SH3PXD2A: variants seen among roughly 807,000 people sequenced by gnomAD.
SH3PXD2A encodes the protein SH3 and PX domain-containing protein 2A.
In SH3PXD2A, 32 loss-of-function variants were observed where a neutral mutation model predicts 115.2. That is an observed-to-expected ratio of 0.28 (90% CI 0.21 to 0.37). The LOEUF (loss-of-function observed/expected upper bound fraction) is 0.37. Ranked by LOEUF, SH3PXD2A falls within the 10% of genes least tolerant of loss-of-function variation. The probability of loss-of-function intolerance (pLI) is 1.00; values close to 1 mark genes in which losing one functional copy is unlikely to be tolerated. For missense variants in SH3PXD2A, 1,328 were observed against 1,498.7 expected (o/e 0.89, Z 1.88); for synonymous variants, 610 against 629.1 (o/e 0.97, Z 0.45).
chr10:103,674,634 A>C (rs1433352383), intron 6 of SH3PXD2A, among the ~76,000 whole-genome samples: 1 of 152,206 alleles, frequency 6.6e-6, no homozygotes, highest in Non-Finnish European at 1.5e-5. Flanking sequence ...AGCCTGGCCA[A>C]CATGGTGAAA....
At chr10:103,723,226 C>T (rs770471898) in intron 5 of SH3PXD2A, among the ~76,000 whole-genome samples, 1 of 152,196 alleles carries the variant, frequency 6.6e-6, no homozygotes, top group South Asian at 2.1e-4. Flanking sequence ...GTAGCCACCC[C>T]ATCTGCCTCT....
intron 2 of SH3PXD2A, among the ~76,000 whole-genome samples, chr10:103,793,769 A>G (rs949898419): frequency 2.0e-5 from 3 of 152,230 alleles, no homozygotes; most frequent in African/African-American, 7.2e-5. Context: ...GTCTAGGGTC[A>G]GTAATCTCGA....
At chr10:103,829,617 G>C (rs762911891) in intron 1 of SH3PXD2A, among the ~76,000 whole-genome samples, 2 of 152,234 alleles carry the variant, frequency 1.3e-5, no homozygotes, top group Non-Finnish European at 2.9e-5. Flanking sequence ...AGGGAGGCAG[G>C]AAAGGGCAGA....
chr10:103,619,766 T>C (rs1035912816), intron 10 of SH3PXD2A, among the ~76,000 whole-genome samples: 23 of 152,222 alleles, frequency 1.5e-4, no homozygotes, highest in African/African-American at 5.5e-4. Flanking sequence ...CAAAAGGTTC[T>C]TGGGGACTCT....
At chr10:103,617,659 G>A (rs987457323) in intron 10 of SH3PXD2A, among the ~76,000 whole-genome samples, 3 of 152,194 alleles carry the variant, frequency 2.0e-5, no homozygotes, top group East Asian at 1.9e-4. Flanking sequence ...TTGCTGGGCC[G>A]AGGGCAGGAT....
At chr10:103,607,978 C>A (rs975985631) in intron 13 of SH3PXD2A, among the ~76,000 whole-genome samples, 1 of 151,598 alleles carries the variant, frequency 6.6e-6, no homozygotes, top group African/African-American at 2.4e-5. Flanking sequence ...GTCATCACCA[C>A]TCCCTAATCT....
intron 13 of SH3PXD2A, among the ~76,000 whole-genome samples, chr10:103,606,346 A>C (rs1592257897): frequency 7.0e-6 from 1 of 142,996 alleles, no homozygotes; most frequent in Non-Finnish European, 1.5e-5. Context: ...AGTAGCTGGG[A>C]CTACAGGCAC....
chr10:103,804,574 A>G (rs1020270981), intron 1 of SH3PXD2A, among the ~76,000 whole-genome samples: 2 of 151,756 alleles, frequency 1.3e-5, no homozygotes, highest in Non-Finnish European at 2.9e-5. Context: ...TGCTTGCCTC[A>G]GCCTCCCAAA....
Position 103,599,049 on chromosome 10 carries a change from T to G in SH3PXD2A, c.*2767A>C, listed in dbSNP as rs968328632. 6.6e-6 allele frequency: 1 copy of G among 152,456 alleles called. No homozygotes were observed. The highest frequency in any genetic ancestry group is 2.1e-4 in the South Asian group (1 of 4,798). 9.4% of individuals were successfully genotyped at this position (152,456 alleles called of 1,614,324 possible). A position where few individuals can be genotyped will look rare whatever the true frequency, so the allele number is the denominator to read the frequency against. ...GGGGCTGGATGTCACAATGTAAACA[T>G]GACCACACAATAAACTATAATGGCA... is the stretch of plus-strand genomic sequence containing the variant. On this transcript the variant is annotated 3_prime_UTR_variant, in exon 15 of 15. Transcript: ENST00000369774.
At chr10:103,685,028 G>GCAAAAA (rs1414765436) in intron 6 of SH3PXD2A, among the ~76,000 whole-genome samples, 1 of 145,968 alleles carries the variant, frequency 6.9e-6, no homozygotes, top group Admixed American at 6.9e-5. Flanking sequence ...TCTCAAAAAA[G>GCAAAAA]CAAAAACAAA....
At chr10:103,757,203 G>A (rs886221940) in intron 3 of SH3PXD2A, among the ~76,000 whole-genome samples, 47 of 152,188 alleles carry the variant, frequency 3.1e-4, no homozygotes, top group African/African-American at 1.1e-3. Flanking sequence ...GGACAGGAGT[G>A]TCACCGAGCC....
At chr10:103,723,361 C>T (rs540313926) in intron 5 of SH3PXD2A, among the ~76,000 whole-genome samples, 1 of 152,222 alleles carries the variant, frequency 6.6e-6, no homozygotes, top group African/African-American at 2.4e-5. Flanking sequence ...GCCTTCTGCC[C>T]ACCAGCTCCT....
intron 3 of SH3PXD2A, among the ~76,000 whole-genome samples, chr10:103,736,555 G>T (rs1370830646): frequency 6.6e-6 from 1 of 152,244 alleles, no homozygotes; most frequent in Non-Finnish European, 1.5e-5. Context: ...GATGTTCAAG[G>T]TCTTACACAA....
intron 3 of SH3PXD2A, 26 bp from the exon 4 acceptor site, chr10:103,735,834 G>A: frequency 6.2e-7 from 1 of 1,600,512 alleles, no homozygotes; most frequent in Non-Finnish European, 8.6e-7. Context: ...TCATGAGTGG[G>A]GGATTCTGGC....
At chr10:103,817,230 T>C (rs2039333682) in intron 1 of SH3PXD2A, among the ~76,000 whole-genome samples, 1 of 151,902 alleles carries the variant, frequency 6.6e-6, no homozygotes, top group Non-Finnish European at 1.5e-5. Context: ...CGTGGGGCTT[T>C]GTTGTATAGA....
intron 5 of SH3PXD2A, among the ~76,000 whole-genome samples, chr10:103,698,978 C>G (rs116907027): frequency 6.6e-6 from 1 of 151,966 alleles, no homozygotes; most frequent in African/African-American, 2.4e-5. Context: ...AGTGGGTGGA[C>G]GGGCCAGGAA....
At chr10:103,606,919 C>G (rs1178588275) in intron 13 of SH3PXD2A, among the ~76,000 whole-genome samples, 3 of 152,184 alleles carry the variant, frequency 2.0e-5, no homozygotes, top group Non-Finnish European at 4.4e-5. Flanking sequence ...GCCGCCACCC[C>G]GTCTGGGAAG....
intron 3 of SH3PXD2A, among the ~76,000 whole-genome samples, chr10:103,736,044 G>A (rs2038376938): frequency 6.6e-6 from 1 of 152,170 alleles, no homozygotes; most frequent in Admixed American, 6.5e-5. Flanking sequence ...TGCCATCTTG[G>A]GATTCAATGA....
In SH3PXD2A at chr10:103,784,257, C is replaced by G. The variant is rs2038960074; in HGVS notation, c.153+17025G>C. On this transcript the variant is annotated intron_variant, in intron 2 of 14. Coordinates refer to ENST00000369774, the MANE Select transcript of SH3PXD2A (RefSeq NM_001394015.1). This position sits in a 1 kb window ranked among gnomAD's most constrained non-coding sequence, Gnocchi z 4.4. ...CTGGACTTCAGACCCCAAGAGGTCACAGAAGCAGGGGTCGCCCAAGCCTCT... is the reference window on the plus strand; with the variant it reads ...CTGGACTTCAGACCCCAAGAGGTCAGAGAAGCAGGGGTCGCCCAAGCCTCT... Among the ~76,000 whole-genome samples the G allele has an allele frequency of 6.6e-6, 1 of 152,200 alleles. No individual in the cohort carries two copies. Among genetic ancestry groups the G allele is most frequent in the African/African-American group, 2.4e-5 (1 of 41,438 alleles).
Sources: gnomAD v4.1 joint callset for allele counts (sites outside exome capture counted in the v4.1 genomes callset) on GRCh38, gnomAD v4.1.1 for gene constraint, Gnocchi (gnomAD v3.1) non-coding constraint, MANE v1.5 for transcripts, NCBI Gene and HGNC (gene_info 2026-07-23, HGNC 2026-07-21) for gene names.